The following SEMA5B variants were observed in gnomAD, a reference collection of about 807,000 sequenced individuals.
SEMA5B encodes semaphorin 5B, also known as semaphorin-5B.
Under a neutral mutation model 135.0 loss-of-function variants are expected in SEMA5B, and 66 were observed. The observed-to-expected ratio is 0.49, with a 90% CI of 0.40 to 0.60. SEMA5B has a LOEUF of 0.60. Ranked by LOEUF, SEMA5B falls within the 20% of genes least tolerant of loss-of-function variation. The probability of loss-of-function intolerance (pLI) is 0.00; values close to 1 mark genes in which losing one functional copy is unlikely to be tolerated. For missense variants in SEMA5B, 1,501 were observed against 1,566.3 expected, an observed-to-expected ratio of 0.96 and a Z score of 0.70; for synonymous variants, 690 against 639.5, an observed-to-expected ratio of 1.08 and a Z score of -1.19.
At chr3:122,969,893 G>T (rs373521759) in intron 1 of SEMA5B, among the ~76,000 whole-genome samples, 1 of 152,198 alleles carries the variant, frequency 6.6e-6, no homozygotes, top group African/African-American at 2.4e-5. Context: ...TGTGTTATGT[G>T]CTGGGAATTC....
At chr3:122,985,275 T>G (rs1393843966) in intron 1 of SEMA5B, among the ~76,000 whole-genome samples, 1 of 152,136 alleles carries the variant, frequency 6.6e-6, no homozygotes, top group East Asian at 1.9e-4. Context: ...GGAGGATTGC[T>G]TCTAGCCAGG....
intron 13 of SEMA5B, 68 bp from the exon 14 acceptor site, chr3:122,915,689 A>T: frequency 6.4e-7 from 1 of 1,572,500 alleles, no homozygotes; most frequent in African/African-American, 1.3e-5. Flanking sequence ...ATAAGATCTC[A>T]GGGGATTGGG....
intron 1 of SEMA5B, among the ~76,000 whole-genome samples, chr3:122,961,635 C>A (rs1177306084): frequency 6.6e-6 from 1 of 151,952 alleles, no homozygotes; most frequent in Non-Finnish European, 1.5e-5. Flanking sequence ...ATTTTTAAAA[C>A]TTTTTGTAGA....
At chr3:122,917,681 G>A (rs538379314) in intron 12 of SEMA5B, among the ~76,000 whole-genome samples, 1 of 152,296 alleles carries the variant, frequency 6.6e-6, no homozygotes, top group South Asian at 2.1e-4. Flanking sequence ...ATATAAGCGA[G>A]GCAATCATGG....
Position 122,912,313 on chromosome 3 carries a change from A to C in SEMA5B, c.2755T>G (p.Trp919Gly), listed in dbSNP as rs1937772655. The C allele has an allele frequency of 6.2e-7, 1 of 1,609,446 alleles. No individual in the cohort carries two copies. ...CCACAGGAAGCTGAGCATGGAGACC[A>C]TGAGGTCCAGCAGGACCAAGCACCC... ...VRGAWSCWTS[W>G]SPCSASCGGG... is the part of the protein sequence containing the mutation. The change falls in exon 19 of 23, where the codon TGG (tryptophan) becomes GGG (glycine). Residue 919 changes from tryptophan (W) to glycine (G), a missense_variant. Around this residue, in one of 2 missense-constraint regions of SEMA5B, gnomAD observed 927 missense variants for 881.6 expected, o/e 1.05. Coordinates refer to ENST00000357599, the MANE Select transcript of SEMA5B (RefSeq NM_001031702.4).
chr3:123,026,857 C>T lies in SEMA5B; in HGVS notation c.-39+607G>A, dbSNP rs373600219. Among the ~76,000 whole-genome samples the T allele has an allele frequency of 2.6e-5, 4 of 152,252 alleles. No homozygotes were observed. The East Asian group carries it at 7.7e-4, about 29-fold the overall frequency. On this transcript the variant is annotated intron_variant, in intron 1 of 22. Coordinates refer to ENST00000357599, the MANE Select transcript of SEMA5B (RefSeq NM_001031702.4). ...GGAGTGCGGGGCCCTGAGCCACTGC[C>T]CCTGGAGCCTGGTGGGCAGAGTTCA...
At chr3:122,925,018 C>A (rs1366084879) in intron 9 of SEMA5B, among the ~76,000 whole-genome samples, 1 of 152,228 alleles carries the variant, frequency 6.6e-6, no homozygotes, top group East Asian at 1.9e-4. Context: ...GGCATGCAAT[C>A]AATACACTAT....
chr3:122,911,637 G>C (rs1937715046), intron 20 of SEMA5B, 102 bp from the exon 21 acceptor site: 1 of 1,247,384 alleles, frequency 8.0e-7, no homozygotes, highest in Non-Finnish European at 1.1e-6. Flanking sequence ...TCAACGCTCA[G>C]ACGTAGGACT....
rs187997336 is a variant in SEMA5B at position 122,920,161 on chromosome 3, C to G, written c.1688+1754G>C. On this transcript the variant is annotated intron_variant, in intron 12 of 22. Transcript: ENST00000357599. ...TGCTCTAGGACCACTCCAGTGCCCACAGCCACAGGATTCAAGTCGAAGTCC... is the reference window on the plus strand; with the variant it reads ...TGCTCTAGGACCACTCCAGTGCCCAGAGCCACAGGATTCAAGTCGAAGTCC... Among the ~76,000 whole-genome samples, 310 of 152,328 alleles carry G rather than the reference C, an allele frequency of 2.0e-3. 1 individual carries two copies. The highest frequency in any genetic ancestry group is 7.1e-3 in the Admixed American group (109 of 15,308).
intron 1 of SEMA5B, among the ~76,000 whole-genome samples, chr3:122,979,736 G>C (rs958773131): frequency 6.6e-6 from 1 of 152,156 alleles, no homozygotes; most frequent in African/African-American, 2.4e-5. Flanking sequence ...TCCCAAGGCC[G>C]GGACCGTGTT....
At chr3:122,925,690 A>AAAAAAG (rs1468086375) in intron 9 of SEMA5B, among the ~76,000 whole-genome samples, 9 of 152,136 alleles carry the variant, frequency 5.9e-5, no homozygotes, top group Admixed American at 6.5e-5. Flanking sequence ...AAAAAAGAAA[A>AAAAAAG]AAAAAGAAAA....
At chr3:122,995,869 C>T (rs1249012107) in intron 1 of SEMA5B, among the ~76,000 whole-genome samples, 2 of 152,230 alleles carry the variant, frequency 1.3e-5, no homozygotes, top group Non-Finnish European at 2.9e-5. Flanking sequence ...CTCCATTTCT[C>T]ATTATTCAAG....
intron 1 of SEMA5B, chr3:122,975,426 C>G (rs1941283273): frequency 6.5e-6 from 1 of 153,608 alleles, no homozygotes; most frequent in African/African-American, 2.4e-5. Flanking sequence ...TCCTCCCCAC[C>G]ACCCCCCTGC....
intron 1 of SEMA5B, among the ~76,000 whole-genome samples, chr3:123,013,321 A>G (rs1046913301): frequency 3.3e-5 from 5 of 152,174 alleles, no homozygotes; most frequent in African/African-American, 1.2e-4. Flanking sequence ...AAATCCTCAC[A>G]ACACCCGCCC....
intron 1 of SEMA5B, among the ~76,000 whole-genome samples, chr3:123,017,864 C>T (rs1576412159): frequency 6.6e-6 from 1 of 150,934 alleles, no homozygotes; most frequent in East Asian, 1.9e-4. Flanking sequence ...GCCAAGACTG[C>T]ATCACTGCAC....
chr3:123,019,631 C>A (rs532279102), intron 1 of SEMA5B, among the ~76,000 whole-genome samples: 1 of 152,008 alleles, frequency 6.6e-6, no homozygotes, highest in Non-Finnish European at 1.5e-5. Context: ...ACATAAGGCA[C>A]CTGAGGATTA....
chr3:122,973,855 A>G (rs1941216549), intron 1 of SEMA5B, among the ~76,000 whole-genome samples: 1 of 151,850 alleles, frequency 6.6e-6, no homozygotes, highest in Admixed American at 6.6e-5. Flanking sequence ...AATTCCTTAA[A>G]CCCTTTCAGG....
intron 22 of SEMA5B, 52 bp from the exon 23 acceptor site, chr3:122,910,353 A>G: frequency 6.3e-7 from 1 of 1,595,556 alleles, no homozygotes; most frequent in East Asian, 2.2e-5. Flanking sequence ...ACACAGGGGA[A>G]GGGAACAGGC....
chr3:123,006,789 T>G (rs1942324556), intron 1 of SEMA5B, among the ~76,000 whole-genome samples: 1 of 151,838 alleles, frequency 6.6e-6, no homozygotes. Context: ...CCTCCCCCCA[T>G]CTATGTTCAG....
Sources: allele counts gnomAD v4.1 joint callset (sites outside exome capture counted in the v4.1 genomes callset), GRCh38; gene constraint gnomAD v4.1.1; regional missense constraint gnomAD v4.1.1; transcripts MANE v1.5; gene names NCBI Gene and HGNC (gene_info 2026-07-23, HGNC 2026-07-21).